PPM1B: variants seen among roughly 807,000 people sequenced by gnomAD.
PPM1B encodes protein phosphatase 1B.
In PPM1B, 22 loss-of-function variants were observed where a neutral mutation model predicts 43.0. The observed-to-expected ratio is 0.51, with a 90% CI of 0.37 to 0.73. The LOEUF (loss-of-function observed/expected upper bound fraction) is 0.73. Among genes scored for constraint, PPM1B ranks in the 30% least tolerant of loss-of-function variants. The probability of loss-of-function intolerance (pLI) is 0.00; values close to 1 mark genes in which losing one functional copy is unlikely to be tolerated. For synonymous variants in PPM1B, 217 were observed against 197.9 expected (o/e 1.10, Z -0.81); for missense variants, 632 against 584.2 (o/e 1.08, Z -0.84).
intron 5 of PPM1B, among the ~76,000 whole-genome samples, chr2:44,240,206 TAATC>T (rs1423471949): frequency 1.4e-5 from 2 of 146,038 alleles, no homozygotes; most frequent in Non-Finnish European, 3.1e-5. Flanking sequence ...ATGCAACTAA[TAATC>T]CACATTCTAA....
chr2:44,215,334 C>G (rs555097247), intron 3 of PPM1B, among the ~76,000 whole-genome samples: 1 of 152,254 alleles, frequency 6.6e-6, no homozygotes, highest in Non-Finnish European at 1.5e-5. Flanking sequence ...TGGTGCACAC[C>G]TGTAGTTCCA....
intron 3 of PPM1B, among the ~76,000 whole-genome samples, chr2:44,216,012 G>C (rs1669702268): frequency 6.6e-6 from 1 of 152,158 alleles, no homozygotes; most frequent in Non-Finnish European, 1.5e-5. Flanking sequence ...GAAAACTAGA[G>C]GAAAATTAAG....
chr2:44,224,020 A>G (rs1449949902), intron 5 of PPM1B, among the ~76,000 whole-genome samples: 1 of 152,110 alleles, frequency 6.6e-6, no homozygotes, highest in East Asian at 1.9e-4. Flanking sequence ...TTCATTAGTC[A>G]TCAATTGTAT....
intron 1 of PPM1B, among the ~76,000 whole-genome samples, chr2:44,200,198 A>G (rs1328997438): frequency 6.6e-6 from 1 of 152,200 alleles, no homozygotes; most frequent in East Asian, 1.9e-4. Context: ...CAGCAGCCCT[A>G]TGAGGTATAG....
chr2:44,178,635 A>AT (rs1157399436), intron 1 of PPM1B, among the ~76,000 whole-genome samples: 4 of 151,572 alleles, frequency 2.6e-5, no homozygotes, highest in East Asian at 1.9e-4. Flanking sequence ...CACCCAGCTA[A>AT]TTTTTTTGTA....
chr2:44,217,333 A>G (rs1426847835), intron 3 of PPM1B, among the ~76,000 whole-genome samples: 4 of 151,026 alleles, frequency 2.6e-5, no homozygotes. Context: ...CAGGAGGCAG[A>G]GGTTGCAGTG....
chr2:44,218,058 T>TG lies in PPM1B; in HGVS notation c.1061dup (p.Gly355ArgfsTer7), dbSNP rs747091422. On this transcript the variant is annotated frameshift_variant, in exon 4 of 6. Coordinates refer to ENST00000282412, the MANE Select transcript of PPM1B (RefSeq NM_002706.6). LOFTEE classifies it high-confidence loss of function. ...CAGAAAATATCCCAAATTTGCCTCC[T>TG]GGGGGAGGTCTTGCTGGCAAGTAAG... The TG allele has an allele frequency of 6.2e-7, 1 of 1,612,754 alleles. No homozygotes were observed. The highest frequency in any genetic ancestry group is 8.5e-7 in the Non-Finnish European group (1 of 1,179,314).
At chr2:44,177,732 T>C (rs767267977) in intron 1 of PPM1B, among the ~76,000 whole-genome samples, 26 of 151,906 alleles carry the variant, frequency 1.7e-4, no homozygotes, top group Admixed American at 1.7e-3. Flanking sequence ...TGTATGTATT[T>C]CTAAATAGCA....
downstream of PPM1B, among the ~76,000 whole-genome samples, chr2:44,246,772 A>G (rs1461505986): frequency 6.6e-6 from 1 of 152,180 alleles, no homozygotes; most frequent in East Asian, 1.9e-4. Flanking sequence ...TGCTTGCATC[A>G]TTTATGCATT....
chr2:44,228,331 G>T (rs114041253), intron 5 of PPM1B, among the ~76,000 whole-genome samples: 4,396 of 151,760 alleles, frequency 0.029, 70 homozygotes, highest in Non-Finnish European at 0.047. Context: ...GGGACTATGG[G>T]CGTGTTCCTT....
chr2:44,214,662 C>G (rs1362757143), intron 3 of PPM1B, among the ~76,000 whole-genome samples: 2 of 152,108 alleles, frequency 1.3e-5, no homozygotes, highest in Admixed American at 1.3e-4. Flanking sequence ...GCTAAACTGA[C>G]TTGATAGCAT....
intron 2 of PPM1B, among the ~76,000 whole-genome samples, chr2:44,205,370 T>G (rs1669139591): frequency 6.6e-6 from 1 of 151,612 alleles, no homozygotes; most frequent in South Asian, 2.1e-4. Flanking sequence ...TGTGTGTGTG[T>G]GTGTGTGTGT....
chr2:44,198,631 T>C (rs1201639803), intron 1 of PPM1B, among the ~76,000 whole-genome samples: 1 of 152,070 alleles, frequency 6.6e-6, no homozygotes, highest in African/African-American at 2.4e-5. Context: ...TCAAATAAGA[T>C]AAAAGCGTAA....
intron 5 of PPM1B, among the ~76,000 whole-genome samples, chr2:44,226,970 T>G (rs867093801): frequency 8.0e-5 from 11 of 137,244 alleles, no homozygotes; most frequent in South Asian, 4.7e-4. Context: ...ATTTATTTAT[T>G]TATGAATGAA....
At chr2:44,174,591 A>C (rs1171707512) in intron 1 of PPM1B, among the ~76,000 whole-genome samples, 2 of 152,266 alleles carry the variant, frequency 1.3e-5, no homozygotes, top group Non-Finnish European at 2.9e-5. Context: ...CGTATAATAT[A>C]CAAGAAAATA....
Position 44,222,548 on chromosome 2 carries a change from G to C in PPM1B, c.1134+4011G>C, listed in dbSNP as rs1393067856. Among the ~76,000 whole-genome samples, 6 of 152,190 alleles carry C rather than the reference G, an allele frequency of 3.9e-5. No homozygotes were observed. The East Asian group carries it at 5.8e-4, about 15-fold the overall frequency. ...ACCTGTATTTACCCAGCTCCTACTT[G>C]TGCCAGGCCCCTTATTTATACACAC... On this transcript the variant is annotated intron_variant, in intron 5 of 5. Coordinates refer to ENST00000282412, the MANE Select transcript of PPM1B (RefSeq NM_002706.6).
intron 5 of PPM1B, among the ~76,000 whole-genome samples, chr2:44,220,933 T>C (rs1182712996): frequency 2.0e-5 from 3 of 152,218 alleles, no homozygotes; most frequent in Non-Finnish European, 2.9e-5. Context: ...AAGGACATCT[T>C]TTTTGGCTAA....
At chr2:44,221,392 G>A (rs1669970617) in intron 5 of PPM1B, among the ~76,000 whole-genome samples, 2 of 152,084 alleles carry the variant, frequency 1.3e-5, no homozygotes, top group African/African-American at 2.4e-5. Context: ...AGAAAATACA[G>A]ACGTGATTAA....
At chr2:44,224,091 G>A (rs567581670) in intron 5 of PPM1B, among the ~76,000 whole-genome samples, 7 of 152,200 alleles carry the variant, frequency 4.6e-5, no homozygotes, top group Middle Eastern at 3.4e-3. Context: ...CAAGCAGCAC[G>A]TAGGACTTCA....
Sources: gnomAD v4.1 joint callset for allele counts (sites outside exome capture counted in the v4.1 genomes callset) on GRCh38, gnomAD v4.1.1 for gene constraint, MANE v1.5 for transcripts, NCBI Gene and HGNC (gene_info 2026-07-23, HGNC 2026-07-21) for gene names.